Variants in HDAC9 observed in about 807,000 individuals in gnomAD.
The protein encoded by HDAC9 is histone deacetylase 9, also known as MEF-2 interacting transcription repressor (MITR) protein.
A neutral mutation model predicts 139.4 loss-of-function variants in HDAC9; 41 were observed. That is an observed-to-expected ratio of 0.29 (90% CI 0.23 to 0.38). The LOEUF (loss-of-function observed/expected upper bound fraction) is 0.38. Among genes scored for constraint, HDAC9 ranks in the 10% least tolerant of loss-of-function variants. The probability of loss-of-function intolerance (pLI) is 1.00; values close to 1 mark genes in which losing one functional copy is unlikely to be tolerated. For synonymous variants in HDAC9, 517 were observed against 476.2 expected, an observed-to-expected ratio of 1.09 and a Z score of -1.12; for missense variants, 1,147 against 1,297.0, an observed-to-expected ratio of 0.88 and a Z score of 1.78.
intron 1 of HDAC9, among the ~76,000 whole-genome samples, chr7:18,365,779 A>G (rs557353818): frequency 6.6e-6 from 1 of 152,246 alleles, no homozygotes; most frequent in East Asian, 1.9e-4. Flanking sequence ...TGGGCAAATT[A>G]TAGTTAAGCA....
intron 1 of HDAC9, among the ~76,000 whole-genome samples, chr7:18,401,503 G>C (rs1787538864): frequency 6.6e-6 from 1 of 152,166 alleles, no homozygotes. Flanking sequence ...ATCATAAAGT[G>C]GCAGAGCTAG....
chr7:18,463,551 T>A (rs1344738331), intron 1 of HDAC9, among the ~76,000 whole-genome samples: 1 of 151,974 alleles, frequency 6.6e-6, no homozygotes, highest in Admixed American at 6.6e-5. Context: ...CCTTTAATAT[T>A]CCTGCATTAT....
At chr7:18,669,411 C>A (rs1287665506) in intron 12 of HDAC9, among the ~76,000 whole-genome samples, 1 of 151,580 alleles carries the variant, frequency 6.6e-6, no homozygotes, top group Non-Finnish European at 1.5e-5. Context: ...TATTATAATA[C>A]CAGTGTGAGG....
At chr7:18,117,112 C>T (rs1183360311) in intron 1 of HDAC9, among the ~76,000 whole-genome samples, 1 of 151,998 alleles carries the variant, frequency 6.6e-6, no homozygotes, top group Non-Finnish European at 1.5e-5. Context: ...TTGTTTTTCC[C>T]CAAGAGGTCT....
chr7:18,777,221 T>A lies in HDAC9; in HGVS notation c.2214+10066T>A, dbSNP rs1790846195. Among the ~76,000 whole-genome samples the A allele has an allele frequency of 2.0e-5, 3 of 152,048 alleles. No individual in the cohort carries two copies. In the South Asian group the frequency reaches 6.2e-4, roughly 32 times the overall value. The stretch of plus-strand genomic sequence containing the variant: ...TTTGGGGTTCCAAGTCCCTGGAATG[T>A]TATGTGGACATACTTTTCTTTTTAA... On this transcript the variant is annotated intron_variant, in intron 16 of 25. Transcript: ENST00000686413.
chr7:18,649,375 GT>G (rs1370062610), intron 11 of HDAC9, among the ~76,000 whole-genome samples: 2 of 152,108 alleles, frequency 1.3e-5, no homozygotes, highest in African/African-American at 2.4e-5. Flanking sequence ...GGTCTGGACA[GT>G]TTTTCCACTA....
intron 1 of HDAC9, among the ~76,000 whole-genome samples, chr7:18,354,966 T>C (rs1044185146): frequency 1.3e-5 from 2 of 152,134 alleles, no homozygotes; most frequent in African/African-American, 4.8e-5. Context: ...TGAAGAGCCA[T>C]AGAGGATGTG....
At chr7:18,807,167 A>G (rs949066123) in intron 17 of HDAC9, among the ~76,000 whole-genome samples, 1 of 151,510 alleles carries the variant, frequency 6.6e-6, no homozygotes, top group Non-Finnish European at 1.5e-5. Context: ...CTTCATGAAG[A>G]CTCTGTTTCT....
intron 1 of HDAC9, among the ~76,000 whole-genome samples, chr7:18,469,740 G>A (rs1053290258): frequency 6.6e-5 from 10 of 152,174 alleles, no homozygotes; most frequent in African/African-American, 2.4e-4. Context: ...ATAAAAATGA[G>A]TGAGTTACAA....
chr7:18,185,964 A>C (rs1017160868), intron 2 of HDAC9, among the ~76,000 whole-genome samples: 1 of 152,212 alleles, frequency 6.6e-6, no homozygotes, highest in South Asian at 2.1e-4. Context: ...GCTGAATTGC[A>C]GTGACCATTT....
At chr7:18,736,971 A>G (rs1451124544) in intron 13 of HDAC9, among the ~76,000 whole-genome samples, 1 of 152,082 alleles carries the variant, frequency 6.6e-6, no homozygotes, top group Non-Finnish European at 1.5e-5. Context: ...GAGAAGGTTT[A>G]TGTGTCCAGG....
chr7:18,576,361 A>G (rs1427074733), intron 2 of HDAC9, among the ~76,000 whole-genome samples: 5 of 152,164 alleles, frequency 3.3e-5, no homozygotes, highest in African/African-American at 1.2e-4. Context: ...GATGGCTTCA[A>G]AAACTATTTA....
At chr7:18,241,221 T>C (rs1230889844) in intron 2 of HDAC9, among the ~76,000 whole-genome samples, 1 of 152,234 alleles carries the variant, frequency 6.6e-6, no homozygotes, top group Non-Finnish European at 1.5e-5. Flanking sequence ...TGTTAATTGT[T>C]ACTCCACAAA....
At chr7:18,913,158 G>A (rs751090880) in intron 22 of HDAC9, among the ~76,000 whole-genome samples, 2 of 152,008 alleles carry the variant, frequency 1.3e-5, no homozygotes, top group Non-Finnish European at 2.9e-5. Flanking sequence ...TTTTCAACAC[G>A]TGGCTAATTT....
intron 2 of HDAC9, among the ~76,000 whole-genome samples, chr7:18,234,352 G>A (rs904804111): frequency 6.6e-6 from 1 of 152,180 alleles, no homozygotes; most frequent in East Asian, 1.9e-4. Flanking sequence ...GAGAGAATAA[G>A]TGTTATAGAA....
chr7:18,585,444 G>A lies in HDAC9; in HGVS notation c.186G>A (p.Gln62=), dbSNP rs1233806222. 3 of 1,613,840 alleles carry A rather than the reference G, an allele frequency of 1.9e-6. No individual in the cohort carries two copies. In the East Asian group the frequency reaches 6.7e-5, roughly 36 times the overall value. The change falls in exon 3 of 26, where the codon CAG becomes CAA. Residue 62 remains glutamine, a synonymous_variant. Transcript: ENST00000686413. ...LIQQQQQIQK[Q]LLIAEFQKQH... ...AGCAGCAGCAACAAATCCAGAAGCA[G>A]CTTCTGATAGCAGAGTTTCAGAAAC...
rs1283894708 is a variant in HDAC9, at chr7:18,585,349, A to G, written c.91A>G (p.Arg31Gly). ...ISPLDLRTDLRMMMPVVDPVV... is the reference protein window; with the variant it reads ...ISPLDLRTDLGMMMPVVDPVV... The stretch of plus-strand genomic sequence containing the variant: ...ACCTTTAGACCTAAGGACAGACCTC[A>G]GGATGATGATGCCCGTGGTGGACCC... The change falls in exon 3 of 26, where the codon AGG (arginine) becomes GGG (glycine). Residue 31 changes from arginine (R) to glycine (G), a missense_variant. Physicochemically the swap from Arg to Gly is moderately radical, Grantham distance 125. Transcript: ENST00000686413. 6.2e-7 allele frequency: 1 copy of G among 1,613,826 alleles called. No individual in the cohort carries two copies. Among genetic ancestry groups the G allele is most frequent in the African/African-American group, 1.3e-5 (1 of 74,968 alleles).
In HDAC9 at chr7:18,549,503, C is replaced by A. The variant is rs541614699; in HGVS notation, c.23-35778C>A. On this transcript the variant is annotated intron_variant, in intron 2 of 25. Transcript: ENST00000686413. ...ATGAATGTACTGTTGATACAGACAA[C>A]AGCTTGGATGGACCTCTAGGGCATT... is the stretch of plus-strand genomic sequence containing the variant. Among the ~76,000 whole-genome samples, 4 of 152,194 alleles carry A rather than the reference C, an allele frequency of 2.6e-5. No homozygotes were observed. The East Asian group carries it at 7.7e-4, about 29-fold the overall frequency.
At chr7:18,282,207 G>C (rs977444214) in intron 2 of HDAC9, among the ~76,000 whole-genome samples, 1 of 152,126 alleles carries the variant, frequency 6.6e-6, no homozygotes, top group Non-Finnish European at 1.5e-5. Context: ...GGTTTTGACT[G>C]TCTACAATGT....
Sources: allele counts gnomAD v4.1 joint callset (sites outside exome capture counted in the v4.1 genomes callset), GRCh38; gene constraint gnomAD v4.1.1; transcripts MANE v1.5; gene names NCBI Gene and HGNC (gene_info 2026-07-23, HGNC 2026-07-21).